RBFOX1: variants seen among roughly 807,000 people sequenced by gnomAD.
RBFOX1 encodes the protein RNA binding fox-1 homolog 1.
Under a neutral mutation model 57.7 loss-of-function variants are expected in RBFOX1, and 8 were observed. The observed-to-expected ratio is 0.14, with a 90% confidence interval of 0.08 to 0.25. The LOEUF is 0.25. Ranked by LOEUF, RBFOX1 falls within the 10% of genes least tolerant of loss-of-function variation. The pLI is 1.00. For synonymous variants in RBFOX1, 326 were observed against 222.4 expected, an observed-to-expected ratio of 1.47 and a Z score of -4.15; for missense variants, 611 against 548.5, an observed-to-expected ratio of 1.11 and a Z score of -1.14.
intron 2 of RBFOX1, among the ~76,000 whole-genome samples, chr16:6,371,009 C>G (rs920001436): frequency 6.6e-6 from 1 of 152,020 alleles, no homozygotes; most frequent in Non-Finnish European, 1.5e-5. Flanking sequence ...TGCATTTTTG[C>G]CAGGGATACC....
rs573168408 is a variant in RBFOX1 at position 7,682,520 on chromosome 16, T to C, written c.995+5682T>C. 2.4e-4 allele frequency among the ~76,000 whole-genome samples: 37 copies of C among 151,946 alleles called. 1 individual carries two copies. Among genetic ancestry groups the C allele is most frequent in the African/African-American group, 7.7e-4 (32 of 41,462 alleles). On this transcript the variant is annotated intron_variant, in intron 14 of 15. Transcript: ENST00000550418. ...ATCTCTGTGCCATTTTTGATGGTGC[T>C]TTGAAGAAGCTGTTCTTGGTTTTAG...
chr16:5,300,875 C>G (rs558255275), intron 1 of RBFOX1, among the ~76,000 whole-genome samples: 2 of 152,084 alleles, frequency 1.3e-5, no homozygotes, highest in African/African-American at 2.4e-5. Flanking sequence ...TAGTGATGTC[C>G]TCTCTTTAAT....
chr16:7,694,587 A>G (rs765440224), intron 14 of RBFOX1, among the ~76,000 whole-genome samples: 3 of 152,196 alleles, frequency 2.0e-5, no homozygotes, highest in Non-Finnish European at 2.9e-5. Flanking sequence ...CTCTTTGCTG[A>G]TGGTCCTGCA....
At chr16:5,881,296 T>C (rs905767465) in intron 4 of RBFOX1, among the ~76,000 whole-genome samples, 6 of 152,208 alleles carry the variant, frequency 3.9e-5, no homozygotes, top group African/African-American at 1.4e-4. Context: ...ACTTGGTCTC[T>C]ACCACCTTGT....
chr16:5,816,520 C>T (rs2055644401), intron 3 of RBFOX1, among the ~76,000 whole-genome samples: 1 of 152,144 alleles, frequency 6.6e-6, no homozygotes, highest in Non-Finnish European at 1.5e-5. Context: ...AATTATTATG[C>T]CTGGCCAGGC....
intron 2 of RBFOX1, among the ~76,000 whole-genome samples, chr16:6,560,504 G>C (rs1894860): frequency 0.96 from 145,856 of 152,164 alleles, 70,202 homozygotes; most frequent in Middle Eastern, 1. Context: ...GAGAGTAGCC[G>C]TCTGTTCAAG....
intron 1 of RBFOX1, among the ~76,000 whole-genome samples, chr16:5,252,439 C>T (rs1280648732): frequency 2.0e-5 from 3 of 152,212 alleles, no homozygotes; most frequent in South Asian, 2.1e-4. Context: ...TCACTTGCTA[C>T]GTATGAGAGT....
At chr16:5,749,792 T>C (rs2053124507) in intron 3 of RBFOX1, among the ~76,000 whole-genome samples, 1 of 152,174 alleles carries the variant, frequency 6.6e-6, no homozygotes, top group Non-Finnish European at 1.5e-5. Flanking sequence ...GGTTTTTAGC[T>C]TCTTTGCGAT....
At chr16:7,454,867 C>G (rs1039290304) in intron 4 of RBFOX1, among the ~76,000 whole-genome samples, 1 of 152,212 alleles carries the variant, frequency 6.6e-6, no homozygotes, top group African/African-American at 2.4e-5. Flanking sequence ...ACATCAGGTA[C>G]CACAGTGTTA....
intron 4 of RBFOX1, among the ~76,000 whole-genome samples, chr16:5,937,032 T>A (rs1027063893): frequency 3.9e-5 from 6 of 152,214 alleles, no homozygotes. Context: ...AGTTTTCTCA[T>A]CTGTCAAATG....
intron 2 of RBFOX1, among the ~76,000 whole-genome samples, chr16:6,567,348 G>T (rs1004503906): frequency 1.3e-5 from 2 of 152,158 alleles, no homozygotes; most frequent in African/African-American, 4.8e-5. Context: ...ATGTTACTCT[G>T]TGTGCTGAAG....
At chr16:7,215,914 G>C (rs2091959363) in intron 4 of RBFOX1, among the ~76,000 whole-genome samples, 3 of 152,054 alleles carry the variant, frequency 2.0e-5, no homozygotes, top group African/African-American at 4.8e-5. Flanking sequence ...TAGTAGACAT[G>C]GGGTTTCACC....
chr16:6,063,027 C>G (rs968058069), intron 1 of RBFOX1, among the ~76,000 whole-genome samples: 1 of 152,172 alleles, frequency 6.6e-6, no homozygotes, highest in Non-Finnish European at 1.5e-5. Context: ...TCAAGGTAAT[C>G]TCCCTGACAT....
At chr16:6,984,934 C>G (rs976552621) in intron 3 of RBFOX1, among the ~76,000 whole-genome samples, 3 of 152,132 alleles carry the variant, frequency 2.0e-5, no homozygotes, top group Non-Finnish European at 4.4e-5. Context: ...AGACATTGCA[C>G]CCGGTACCTT....
At chr16:6,689,389 T>C (rs192069750) in intron 3 of RBFOX1, among the ~76,000 whole-genome samples, 5 of 152,318 alleles carry the variant, frequency 3.3e-5, no homozygotes, top group Admixed American at 2.6e-4. Context: ...CTAGATTTAT[T>C]TGATGTGGGC....
chr16:5,507,819 C>T (rs2043430641), intron 2 of RBFOX1, among the ~76,000 whole-genome samples: 1 of 152,172 alleles, frequency 6.6e-6, no homozygotes, highest in Non-Finnish European at 1.5e-5. Flanking sequence ...TCGCTGGAAC[C>T]ACCAGAAGCT....
intron 3 of RBFOX1, among the ~76,000 whole-genome samples, chr16:6,911,202 CAAAA>C (rs34017800): frequency 1.6e-4 from 22 of 138,736 alleles, no homozygotes; most frequent in Admixed American, 3.6e-4. Flanking sequence ...AATTGTGTCT[CAAAA>C]AAAAAAAAAA....
At chr16:6,731,193 G>T (rs752460143) in intron 3 of RBFOX1, among the ~76,000 whole-genome samples, 1 of 152,264 alleles carries the variant, frequency 6.6e-6, no homozygotes, top group Non-Finnish European at 1.5e-5. Context: ...ATACAGGGAA[G>T]ATACATATCA....
At chr16:7,002,605 G>T (rs944641139) in intron 3 of RBFOX1, among the ~76,000 whole-genome samples, 2 of 152,086 alleles carry the variant, frequency 1.3e-5, no homozygotes, top group Non-Finnish European at 2.9e-5. Flanking sequence ...CCAGCCACTC[G>T]GGAGGCTGAG....
Sources: allele counts gnomAD v4.1 joint callset (sites outside exome capture counted in the v4.1 genomes callset), GRCh38; gene constraint gnomAD v4.1.1; transcripts MANE v1.5; gene names NCBI Gene and HGNC (gene_info 2026-07-23, HGNC 2026-07-21).